The following TBC1D32 variants were observed in gnomAD, a reference collection of about 807,000 sequenced individuals.
TBC1D32 encodes TBC1 domain family member 32.
A neutral mutation model predicts 170.3 loss-of-function variants in TBC1D32; 151 were observed. That is an observed-to-expected ratio of 0.89 (90% CI 0.78 to 1.01). TBC1D32 has a LOEUF of 1.01. Ranked by LOEUF, TBC1D32 falls within the 50% of genes least tolerant of loss-of-function variation. The pLI is 0.00. For synonymous variants in TBC1D32, 498 were observed against 488.0 expected (o/e 1.02, Z -0.27); for missense variants, 1,464 against 1,457.1 (o/e 1.00, Z -0.08).
intron 26 of TBC1D32, among the ~76,000 whole-genome samples, chr6:121,117,889 T>C (rs1177394314): frequency 6.6e-6 from 1 of 151,918 alleles, no homozygotes; most frequent in African/African-American, 2.4e-5. Flanking sequence ...TATACAAAAC[T>C]CTGGACTACA....
chr6:121,121,518 T>A (rs2128207288), intron 26 of TBC1D32, among the ~76,000 whole-genome samples: 1 of 152,174 alleles, frequency 6.6e-6, no homozygotes, highest in Admixed American at 6.6e-5. Flanking sequence ...GCCCCTTAAG[T>A]ATTGGATATT....
rs535135870 is a variant in TBC1D32 at position 121,290,445 on chromosome 6, A to G, written c.1372+1608T>C. Reference sequence around the variant, plus strand: ...CAGAGAAATGCAAATCAAAACCACAATGAGATACCATCTCACACCAGTTAG... The same window carrying G: ...CAGAGAAATGCAAATCAAAACCACAGTGAGATACCATCTCACACCAGTTAG... On this transcript the variant is annotated intron_variant, in intron 12 of 31. Coordinates refer to ENST00000398212, the MANE Select transcript of TBC1D32 (RefSeq NM_152730.6). Among the ~76,000 whole-genome samples the G allele has an allele frequency of 2.7e-4, 41 of 152,116 alleles. 2 individuals carry two copies. The highest frequency in any genetic ancestry group is 9.9e-4 in the African/African-American group (41 of 41,504).
intron 25 of TBC1D32, among the ~76,000 whole-genome samples, chr6:121,128,136 T>C (rs1176313157): frequency 6.6e-6 from 1 of 152,186 alleles, no homozygotes; most frequent in East Asian, 1.9e-4. Flanking sequence ...GAGGAACAAA[T>C]TCTATATTGC....
At chr6:121,289,143 A>T (rs1001453855) in intron 12 of TBC1D32, among the ~76,000 whole-genome samples, 16 of 152,336 alleles carry the variant, frequency 1.1e-4, no homozygotes, top group African/African-American at 3.8e-4. Context: ...TAGTGTTGGA[A>T]GTTCTGGCAA....
intron 20 of TBC1D32, among the ~76,000 whole-genome samples, chr6:121,234,005 T>C (rs1796051090): frequency 6.6e-6 from 1 of 152,044 alleles, no homozygotes; most frequent in Admixed American, 6.6e-5. Context: ...TTCTGGCTGA[T>C]ACTGTTTTGT....
At chr6:121,267,244 G>A (rs912511370) in intron 15 of TBC1D32, among the ~76,000 whole-genome samples, 3 of 152,072 alleles carry the variant, frequency 2.0e-5, no homozygotes, top group Non-Finnish European at 2.9e-5. Context: ...TCCAACTAAG[G>A]TACCAGATTC....
At chr6:121,233,785 T>C (rs964803363) in intron 20 of TBC1D32, among the ~76,000 whole-genome samples, 2 of 152,262 alleles carry the variant, frequency 1.3e-5, no homozygotes, top group East Asian at 1.9e-4. Flanking sequence ...TTTTTTGTCA[T>C]TGTGTTTTTG....
At chr6:121,254,111 G>T (rs149328889) in intron 17 of TBC1D32, among the ~76,000 whole-genome samples, 3 of 152,032 alleles carry the variant, frequency 2.0e-5, no homozygotes, top group African/African-American at 7.2e-5. Flanking sequence ...GCTGGAGGCC[G>T]ATTTTTCTAA....
At chr6:121,085,487 G>T (rs980828071) in intron 31 of TBC1D32, among the ~76,000 whole-genome samples, 1 of 151,022 alleles carries the variant, frequency 6.6e-6, no homozygotes. Context: ...GAAACTCCTG[G>T]ATGCAGTCCC....
chr6:121,169,229 C>A (rs1271140767), intron 22 of TBC1D32, among the ~76,000 whole-genome samples: 1 of 152,034 alleles, frequency 6.6e-6, no homozygotes, highest in African/African-American at 2.4e-5. Context: ...ACACATAGAC[C>A]AATGGAACAG....
At chr6:121,307,871 C>T in intron 5 of TBC1D32, 105 bp downstream of exon 5, 3 of 1,330,506 alleles carry the variant, frequency 2.3e-6, no homozygotes, top group Non-Finnish European at 3.0e-6. Context: ...TCAAAAAAAA[C>T]AAAAAAGAAA....
At chr6:121,102,016 G>C (rs1778145002) in intron 30 of TBC1D32, among the ~76,000 whole-genome samples, 1 of 152,020 alleles carries the variant, frequency 6.6e-6, no homozygotes, top group South Asian at 2.1e-4. Context: ...AAATACCTAG[G>C]AATCCAACTT....
intron 3 of TBC1D32, among the ~76,000 whole-genome samples, chr6:121,312,716 T>C (rs1023710625): frequency 4.6e-5 from 7 of 152,228 alleles, no homozygotes; most frequent in African/African-American, 1.7e-4. Context: ...ATTATAGTTA[T>C]GCTTTGATGT....
At chr6:121,320,170 C>T (rs971207939) in intron 2 of TBC1D32, among the ~76,000 whole-genome samples, 4 of 147,836 alleles carry the variant, frequency 2.7e-5, no homozygotes, top group African/African-American at 1.0e-4. Flanking sequence ...TGTAGTGTTG[C>T]TACATTAGCC....
intron 17 of TBC1D32, among the ~76,000 whole-genome samples, chr6:121,247,088 CT>C (rs1210813555): frequency 6.6e-6 from 1 of 151,960 alleles, no homozygotes; most frequent in African/African-American, 2.4e-5. Flanking sequence ...ATCAGGTAAC[CT>C]GTAAAAGAAA....
intron 10 of TBC1D32, among the ~76,000 whole-genome samples, chr6:121,298,455 T>C (rs927208452): frequency 6.6e-6 from 1 of 152,034 alleles, no homozygotes; most frequent in Admixed American, 6.6e-5. Context: ...ACATAAACCA[T>C]GGGGAAAATC....
At chr6:121,158,642 C>T (rs1785205243) in intron 24 of TBC1D32, among the ~76,000 whole-genome samples, 1 of 152,138 alleles carries the variant, frequency 6.6e-6, no homozygotes, top group Admixed American at 6.5e-5. Context: ...GTTGAGTATA[C>T]TCAGTTGGCT....
At chr6:121,203,454 C>T (rs148419451) in intron 22 of TBC1D32, among the ~76,000 whole-genome samples, 1,719 of 150,676 alleles carry the variant, frequency 0.011, 17 homozygotes, top group Middle Eastern at 0.031. Flanking sequence ...ACTGAGATAC[C>T]GAAAAAATGA....
intron 22 of TBC1D32, among the ~76,000 whole-genome samples, chr6:121,201,030 T>G (rs1294459648): frequency 6.6e-6 from 1 of 151,288 alleles, no homozygotes; most frequent in Non-Finnish European, 1.5e-5. Context: ...GGTGAGGGCT[T>G]TATAAGAACA....
Sources: gnomAD v4.1 joint callset for allele counts (sites outside exome capture counted in the v4.1 genomes callset) on GRCh38, gnomAD v4.1.1 for gene constraint, MANE v1.5 for transcripts, NCBI Gene and HGNC (gene_info 2026-07-23, HGNC 2026-07-21) for gene names.